PHKB: variants seen among roughly 807,000 people sequenced by gnomAD.
The protein encoded by PHKB is phosphorylase kinase regulatory subunit beta, also known as phosphorylase b kinase regulatory subunit beta.
A neutral mutation model predicts 152.1 loss-of-function variants in PHKB; 122 were observed. That is an observed-to-expected ratio of 0.80 (90% CI 0.69 to 0.93). The LOEUF (loss-of-function observed/expected upper bound fraction) is 0.93. PHKB is among the 40% of genes least tolerant of loss of function. The pLI is 0.00. For synonymous variants in PHKB, 436 were observed against 464.9 expected (o/e 0.94, Z 0.80); for missense variants, 1,304 against 1,328.4 (o/e 0.98, Z 0.29).
chr16:47,671,675 T>G (rs1364056888), intron 26 of PHKB, among the ~76,000 whole-genome samples: 2 of 152,206 alleles, frequency 1.3e-5, no homozygotes, highest in East Asian at 3.9e-4. Flanking sequence ...ACATCGTAAT[T>G]CATCAGTTCT....
intron 8 of PHKB, among the ~76,000 whole-genome samples, chr16:47,586,459 A>T (rs1389378101): frequency 1.3e-5 from 2 of 152,214 alleles, no homozygotes; most frequent in Admixed American, 6.5e-5. Context: ...GTCAGATTTT[A>T]AAAAGATTTT....
chr16:47,587,234 C>A (rs1238025201), intron 8 of PHKB, among the ~76,000 whole-genome samples: 3 of 152,082 alleles, frequency 2.0e-5, no homozygotes, highest in African/African-American at 7.2e-5. Flanking sequence ...ATCCAGTATT[C>A]TTTTACATTC....
chr16:47,531,065 A>G (rs1434433140), intron 6 of PHKB, among the ~76,000 whole-genome samples: 2 of 152,168 alleles, frequency 1.3e-5, no homozygotes. Context: ...ATCCATGGAA[A>G]TTCAACAATG....
In PHKB at chr16:47,650,617, A is replaced by G; in HGVS notation, c.1871A>G (p.Asp624Gly). The G allele has an allele frequency of 2.5e-6, 4 of 1,603,020 alleles. No individual in the cohort carries two copies. Among genetic ancestry groups the G allele is most frequent in the South Asian group, 1.1e-5 (1 of 90,856 alleles). ...CTTTTCCTTGTTCTCATCCGGGAAG[A>G]CAATATAAGGTAGGTTGATAAAAGA... ...RPLFLVLIRE[D>G]NIRGSRFNPI... Residue 624 changes from aspartate to glycine, a missense_variant, in exon 19 of 31, where the codon GAC becomes GGC. Coordinates refer to ENST00000323584, the MANE Select transcript of PHKB (RefSeq NM_000293.3).
intron 23 of PHKB, 73 bp downstream of exon 23, chr16:47,661,873 G>A: frequency 1.1e-6 from 1 of 909,544 alleles, no homozygotes; most frequent in East Asian, 2.4e-5. Context: ...ATATGCATAA[G>A]CTATCCACTA....
At chr16:47,502,368 G>A (rs1376392921) in intron 3 of PHKB, among the ~76,000 whole-genome samples, 4 of 152,050 alleles carry the variant, frequency 2.6e-5, no homozygotes, top group Non-Finnish European at 5.9e-5. Context: ...TAGATTTTAG[G>A]TGTTCTTTAT....
chr16:47,486,219 G>A (rs1970047254), intron 1 of PHKB, among the ~76,000 whole-genome samples: 1 of 152,096 alleles, frequency 6.6e-6, no homozygotes, highest in Non-Finnish European at 1.5e-5. Flanking sequence ...TAACTGCTGT[G>A]GGAATTAAAG....
chr16:47,666,045 T>A, intron 25 of PHKB: 2 of 1,574,388 alleles, frequency 1.3e-6, no homozygotes, highest in Non-Finnish European at 1.7e-6. Flanking sequence ...AAGTATTTGC[T>A]TTTCAGACAC....
At chr16:47,693,736 G>T (rs1318544558) in intron 28 of PHKB, among the ~76,000 whole-genome samples, 1 of 151,972 alleles carries the variant, frequency 6.6e-6, no homozygotes, top group African/African-American at 2.4e-5. Flanking sequence ...GGCAGAAAAG[G>T]CTCACTTTAC....
At chr16:47,621,836 C>T (rs561866317) in intron 14 of PHKB, among the ~76,000 whole-genome samples, 1 of 152,056 alleles carries the variant, frequency 6.6e-6, no homozygotes, top group Non-Finnish European at 1.5e-5. Context: ...TGAAGAGTCT[C>T]TTATCAATTG....
At chr16:47,585,395 G>T (rs1397472631) in intron 8 of PHKB, among the ~76,000 whole-genome samples, 1 of 152,196 alleles carries the variant, frequency 6.6e-6, no homozygotes, top group African/African-American at 2.4e-5. Flanking sequence ...TATGCAAAGT[G>T]TTCAAAGCAG....
At chr16:47,606,138 T>C (rs966393221) in intron 13 of PHKB, among the ~76,000 whole-genome samples, 3 of 152,240 alleles carry the variant, frequency 2.0e-5, no homozygotes, top group Admixed American at 6.5e-5. Flanking sequence ...TCTTCCTCCT[T>C]CTTGTTATTC....
chr16:47,541,200 A>T (rs895237199), intron 6 of PHKB, among the ~76,000 whole-genome samples: 7 of 151,974 alleles, frequency 4.6e-5, no homozygotes, highest in Non-Finnish European at 1.0e-4. Context: ...CCTGTGTCCA[A>T]GTGTTCTCAT....
intron 7 of PHKB, among the ~76,000 whole-genome samples, chr16:47,553,517 C>A (rs1475970633): frequency 6.6e-6 from 1 of 152,084 alleles, no homozygotes; most frequent in Non-Finnish European, 1.5e-5. Flanking sequence ...TTATTACCCA[C>A]CTTCTGAAGC....
chr16:47,461,871 G>C (rs971643305), intron 1 of PHKB, among the ~76,000 whole-genome samples: 6 of 152,190 alleles, frequency 3.9e-5, no homozygotes, highest in Admixed American at 6.5e-5. Flanking sequence ...TGGGCTCCTT[G>C]CTTTATGTCT....
At chr16:47,483,851 T>C (rs1970006819) in intron 1 of PHKB, among the ~76,000 whole-genome samples, 1 of 152,196 alleles carries the variant, frequency 6.6e-6, no homozygotes, top group Non-Finnish European at 1.5e-5. Flanking sequence ...TATAGTAATT[T>C]CATTTTGTTA....
chr16:47,586,692 A>G (rs930567094), intron 8 of PHKB, among the ~76,000 whole-genome samples: 1 of 152,164 alleles, frequency 6.6e-6, no homozygotes, highest in African/African-American at 2.4e-5. Flanking sequence ...GATTCAGAAA[A>G]TAGTATTAAA....
intron 25 of PHKB, among the ~76,000 whole-genome samples, chr16:47,666,571 C>G (rs1169208958): frequency 2.0e-5 from 3 of 152,230 alleles, no homozygotes; most frequent in African/African-American, 7.2e-5. Context: ...GCAGTGGTCT[C>G]TCTCTCTGGA....
chr16:47,681,726 T>C (rs190187423), intron 26 of PHKB, among the ~76,000 whole-genome samples: 1 of 152,282 alleles, frequency 6.6e-6, no homozygotes, highest in African/African-American at 2.4e-5. Context: ...CTTTATCCAA[T>C]TTGCCAGTCT....
Sources: gnomAD v4.1 joint callset for allele counts (sites outside exome capture counted in the v4.1 genomes callset) on GRCh38, gnomAD v4.1.1 for gene constraint, MANE v1.5 for transcripts, NCBI Gene and HGNC (gene_info 2026-07-23, HGNC 2026-07-21) for gene names.